Variants in FHIT observed in about 807,000 individuals in gnomAD.
The protein encoded by FHIT is bis(5'-adenosyl)-triphosphatase.
FHIT carries 19 observed loss-of-function variants against 17.9 expected under a neutral mutation model. That is an observed-to-expected ratio of 1.06 (90% CI 0.74 to 1.56). The LOEUF (loss-of-function observed/expected upper bound fraction) is 1.56. FHIT is among the 40% of genes most tolerant of loss of function. The pLI is 0.00. For synonymous variants in FHIT, 81 were observed against 69.7 expected, an observed-to-expected ratio of 1.16 and a Z score of -0.81; for missense variants, 248 against 189.2, an observed-to-expected ratio of 1.31 and a Z score of -1.82.
chr3:60,077,020 G>T (rs1703038305), intron 5 of FHIT, among the ~76,000 whole-genome samples: 1 of 151,994 alleles, frequency 6.6e-6, no homozygotes, highest in Non-Finnish European at 1.5e-5. Context: ...CTATTTATAA[G>T]AAATAACTGA....
chr3:60,037,384 GTC>G (rs988425891), intron 5 of FHIT, among the ~76,000 whole-genome samples: 20 of 138,806 alleles, frequency 1.4e-4, no homozygotes, highest in African/African-American at 5.0e-4. Flanking sequence ...TTAAAACCAA[GTC>G]TTTCTTTTTT....
intron 5 of FHIT, among the ~76,000 whole-genome samples, chr3:60,165,427 C>T (rs1701129030): frequency 6.6e-6 from 1 of 152,128 alleles, no homozygotes; most frequent in Admixed American, 6.5e-5. Flanking sequence ...ACATGGGAGT[C>T]ACTAATGCAT....
intron 8 of FHIT, among the ~76,000 whole-genome samples, chr3:59,838,822 C>T (rs570105569): frequency 7.9e-5 from 12 of 152,144 alleles, no homozygotes; most frequent in African/African-American, 2.6e-4. Flanking sequence ...TTTTGAGGAG[C>T]CCTAGATTTG....
chr3:61,069,661 A>T (rs554510568), intron 2 of FHIT, among the ~76,000 whole-genome samples: 26 of 152,358 alleles, frequency 1.7e-4, no homozygotes, highest in Non-Finnish European at 3.5e-4. Flanking sequence ...CCAACTCCAC[A>T]TTCAAGAATA....
chr3:60,695,386 ACT>A (rs782278888), intron 4 of FHIT, among the ~76,000 whole-genome samples: 1 of 152,104 alleles, frequency 6.6e-6, no homozygotes, highest in Non-Finnish European at 1.5e-5. Context: ...ACAGAGTGAG[ACT>A]CTGTCTCAGA....
At position 60,569,761 on chromosome 3, in the gene FHIT, T is replaced by A. The variant is rs1489585504; in HGVS notation, c.-17-32782A>T. On this transcript the variant is annotated intron_variant, in intron 4 of 9. Coordinates refer to ENST00000492590, the MANE Select transcript of FHIT (RefSeq NM_002012.4). The stretch of plus-strand genomic sequence containing the variant: ...TATATATATATATATATATATTTTT[T>A]TTTTTTTTAGACAGAGTTTTGCTAT... Among the ~76,000 whole-genome samples, 32 of 51,946 alleles carry A rather than the reference T, an allele frequency of 6.2e-4. 1 individual carries two copies. Among genetic ancestry groups the A allele is most frequent in the African/African-American group, 2.0e-3 (26 of 12,956 alleles). The allele number at this position is 51,946 out of a possible 152,430, so 34.1% of individuals were successfully genotyped here.
chr3:60,187,381 C>A (rs771427257), intron 5 of FHIT, among the ~76,000 whole-genome samples: 8 of 152,118 alleles, frequency 5.3e-5, no homozygotes, highest in Admixed American at 4.6e-4. Context: ...CTCTGAGGAC[C>A]GAAGTATAAA....
At chr3:60,957,916 G>A (rs1042185535) in intron 3 of FHIT, among the ~76,000 whole-genome samples, 1 of 152,190 alleles carries the variant, frequency 6.6e-6, no homozygotes, top group Non-Finnish European at 1.5e-5. Flanking sequence ...ACACCTGTTT[G>A]TTAAATAAAT....
intron 3 of FHIT, among the ~76,000 whole-genome samples, chr3:60,879,996 C>G (rs954666685): frequency 6.6e-6 from 1 of 151,578 alleles, no homozygotes; most frequent in Non-Finnish European, 1.5e-5. Context: ...CTGAAAATTT[C>G]ACAAGTCTGG....
rs140986081 is a variant in FHIT at position 60,060,870 on chromosome 3, T to C, written c.104-46718A>G. Reference sequence around the variant, plus strand: ...TTGGAAAAATGCACTGTAGCATTCTTATTCAGAATTTCAGGAACAAAAACT... The same window carrying C: ...TTGGAAAAATGCACTGTAGCATTCTCATTCAGAATTTCAGGAACAAAAACT... On this transcript the variant is annotated intron_variant, in intron 5 of 9. Coordinates refer to ENST00000492590, the MANE Select transcript of FHIT (RefSeq NM_002012.4). Among the ~76,000 whole-genome samples, 55 of 152,364 alleles carry C rather than the reference T, an allele frequency of 3.6e-4. No individual in the cohort carries two copies. The East Asian group carries it at 7.5e-3, about 21-fold the overall frequency.
chr3:60,911,408 A>G (rs1382815329), intron 3 of FHIT, among the ~76,000 whole-genome samples: 1 of 148,572 alleles, frequency 6.7e-6, no homozygotes, highest in African/African-American at 2.5e-5. Context: ...CCCTTCCACC[A>G]CCACTACCAC....
intron 1 of FHIT, among the ~76,000 whole-genome samples, chr3:61,204,335 C>T (rs746612461): frequency 1.3e-5 from 2 of 152,090 alleles, no homozygotes; most frequent in African/African-American, 4.8e-5. Flanking sequence ...GGTATCTGGA[C>T]AATCAGTTTA....
intron 5 of FHIT, among the ~76,000 whole-genome samples, chr3:60,212,752 G>T (rs1703514230): frequency 6.6e-6 from 1 of 152,124 alleles, no homozygotes; most frequent in African/African-American, 2.4e-5. Context: ...ATAATACTGG[G>T]CCTGGGACAG....
At chr3:60,292,403 A>C (rs541581158) in intron 5 of FHIT, among the ~76,000 whole-genome samples, 2 of 152,108 alleles carry the variant, frequency 1.3e-5, no homozygotes, top group African/African-American at 2.4e-5. Flanking sequence ...CCCCTTCCAG[A>C]TAAAAGTTGA....
At chr3:60,366,620 A>G (rs1700117076) in intron 5 of FHIT, among the ~76,000 whole-genome samples, 1 of 152,152 alleles carries the variant, frequency 6.6e-6, no homozygotes. Flanking sequence ...GGGAATGGCT[A>G]TGTTATAAAA....
At chr3:60,711,174 T>C (rs2041520038) in intron 4 of FHIT, among the ~76,000 whole-genome samples, 1 of 151,936 alleles carries the variant, frequency 6.6e-6, no homozygotes. Context: ...GGGTCTGGAG[T>C]GGACCTCTAG....
At chr3:60,521,064 A>C (rs1320770175) in intron 5 of FHIT, among the ~76,000 whole-genome samples, 2 of 152,110 alleles carry the variant, frequency 1.3e-5, no homozygotes, top group African/African-American at 4.8e-5. Context: ...TGACTAATTT[A>C]AACTTGAGTC....
chr3:61,206,921 T>A (rs1205313340), intron 1 of FHIT, among the ~76,000 whole-genome samples: 1 of 152,164 alleles, frequency 6.6e-6, no homozygotes, highest in Admixed American at 6.5e-5. Flanking sequence ...ATGCCTCTAG[T>A]TTTTGTCCAT....
intron 3 of FHIT, among the ~76,000 whole-genome samples, chr3:60,925,988 T>C (rs1386049036): frequency 6.6e-6 from 1 of 152,176 alleles, no homozygotes; most frequent in African/African-American, 2.4e-5. Flanking sequence ...AAGGGATCAA[T>C]TCAACAAGAA....
Sources: allele counts gnomAD v4.1 joint callset (sites outside exome capture counted in the v4.1 genomes callset), GRCh38; gene constraint gnomAD v4.1.1; transcripts MANE v1.5; gene names NCBI Gene and HGNC (gene_info 2026-07-23, HGNC 2026-07-21).